TPCN1: variants seen among roughly 807,000 people sequenced by gnomAD.
TPCN1 encodes two pore segment channel 1.
In TPCN1, 52 loss-of-function variants were observed where a neutral mutation model predicts 108.8. That is an observed-to-expected ratio of 0.48 (90% CI 0.38 to 0.60). The LOEUF is 0.60. TPCN1 is among the 20% of genes least tolerant of loss of function. TPCN1 has a pLI of 0.00. For synonymous variants in TPCN1, 446 were observed against 433.7 expected, an observed-to-expected ratio of 1.03 and a Z score of -0.35; for missense variants, 806 against 1,072.8, an observed-to-expected ratio of 0.75 and a Z score of 3.47.
intron 12 of TPCN1, 115 bp from the exon 13 acceptor site, chr12:113,278,073 TC>T: frequency 1.3e-6 from 1 of 787,908 alleles, no homozygotes; most frequent in Non-Finnish European, 2.2e-6. Context: ...TCACATGGTG[TC>T]CCCTCTCTTC....
chr12:113,277,332 G>A lies in TPCN1; in HGVS notation c.1152G>A (p.Lys384=), dbSNP rs1193992280. The A allele has an allele frequency of 6.2e-7, 1 of 1,614,170 alleles. No homozygotes were observed. The highest frequency in any genetic ancestry group is 1.3e-5 in the African/African-American group (1 of 75,030). The stretch of plus-strand genomic sequence containing the variant: ...CCAGGGAGCGCTATCTTACCTTCAA[G>A]GCCCTGAATCAGAACAACACACCCC... The part of the protein sequence containing the change: ...MSARERYLTF[K]ALNQNNTPLL... Residue 384 remains lysine (K), a synonymous_variant, in exon 12 of 28, where the codon AAG becomes AAA. Coordinates refer to ENST00000335509, the MANE Select transcript of TPCN1 (RefSeq NM_017901.6).
In TPCN1 at chr12:113,284,071, G is replaced by A. The variant is rs560676320; in HGVS notation, c.1343-510G>A. On this transcript the variant is annotated intron_variant, in intron 15 of 27. Coordinates refer to ENST00000335509, the MANE Select transcript of TPCN1 (RefSeq NM_017901.6). This position sits in a 1 kb window ranked among gnomAD's most constrained non-coding sequence, Gnocchi z 4.1. The stretch of plus-strand genomic sequence containing the variant: ...GATGATCATTGAGATTGTTGCCAGT[G>A]TTTTGCTATCACAATAGTGCTGCGG... Among the ~76,000 whole-genome samples the A allele has an allele frequency of 1.3e-5, 2 of 152,328 alleles. No individual in the cohort carries two copies. Among genetic ancestry groups the A allele is most frequent in the South Asian group, 4.1e-4 (2 of 4,830 alleles).
At chr12:113,282,471 C>T (rs1427123930) in intron 15 of TPCN1, among the ~76,000 whole-genome samples, 2 of 151,408 alleles carry the variant, frequency 1.3e-5, no homozygotes, top group Non-Finnish European at 2.9e-5. Context: ...GTTTTATGGC[C>T]GGGCATGGTG....
Position 113,288,501 on chromosome 12 carries a change from G to T in TPCN1, c.1707-257G>T. On this transcript the variant is annotated intron_variant, in intron 20 of 27. Coordinates refer to ENST00000335509, the MANE Select transcript of TPCN1 (RefSeq NM_017901.6). The surrounding 1 kb of genome is among the most constrained non-coding windows in gnomAD (Gnocchi z 4.8). ...CCTGTGTCTACATTCACAGGTAAGG[G>T]GTCACCTGTGAGTCTACCTTCACAG... 6.7e-7 allele frequency: 1 copy of T among 1,502,218 alleles called. No homozygotes were observed. The highest frequency in any genetic ancestry group is 8.9e-7 in the Non-Finnish European group (1 of 1,128,614). 93.1% of individuals were successfully genotyped at this position (1,502,218 alleles called of 1,614,324 possible).
chr12:113,261,270 C>A (rs747673094), intron 3 of TPCN1, among the ~76,000 whole-genome samples: 5 of 151,932 alleles, frequency 3.3e-5, no homozygotes, highest in African/African-American at 7.3e-5. Flanking sequence ...AATGAAGAAA[C>A]ATTCACCTAA....
chr12:113,279,367 A>G (rs574509086), intron 14 of TPCN1, among the ~76,000 whole-genome samples: 459 of 25,756 alleles, frequency 0.018, 3 homozygotes, highest in African/African-American at 0.076. Flanking sequence ...GTGTATATAT[A>G]TATATATATA....
chr12:113,230,146 TC>T (rs2136439888), intron 2 of TPCN1, among the ~76,000 whole-genome samples: 1 of 152,246 alleles, frequency 6.6e-6, no homozygotes, highest in South Asian at 2.1e-4. Flanking sequence ...AACTTCCCCT[TC>T]CTGACAGAGC....
At chr12:113,242,579 T>C in intron 2 of TPCN1, among the ~76,000 whole-genome samples, 1 of 152,218 alleles carries the variant, frequency 6.6e-6, no homozygotes, top group African/African-American at 2.4e-5. Flanking sequence ...TGGTGTGTGG[T>C]AAGTACTGAA....
intron 2 of TPCN1, chr12:113,244,788 C>T: frequency 1.0e-6 from 1 of 982,252 alleles, no homozygotes. Flanking sequence ...GCACGGTTGG[C>T]ACTGGTCCCA....
At chr12:113,235,808 T>C (rs1361527681) in intron 2 of TPCN1, among the ~76,000 whole-genome samples, 3 of 152,178 alleles carry the variant, frequency 2.0e-5, no homozygotes, top group South Asian at 2.1e-4. Context: ...GATGGCGTGC[T>C]TCCTCTTGGT....
intron 2 of TPCN1, among the ~76,000 whole-genome samples, chr12:113,242,609 CT>C (rs1954190929): frequency 6.6e-6 from 1 of 152,200 alleles, no homozygotes; most frequent in Admixed American, 6.5e-5. Context: ...TGGCTGTTAC[CT>C]TTGCCCACTG....
intron 1 of TPCN1, among the ~76,000 whole-genome samples, chr12:113,223,911 TA>T (rs752106222): frequency 8.6e-5 from 13 of 151,366 alleles, no homozygotes; most frequent in Admixed American, 2.6e-4. Context: ...ACTCACCAGT[TA>T]AAAAAAAATA....
At chr12:113,267,557 C>T (rs1163654467) in intron 4 of TPCN1, among the ~76,000 whole-genome samples, 3 of 152,076 alleles carry the variant, frequency 2.0e-5, no homozygotes, top group Non-Finnish European at 2.9e-5. Context: ...CGCCACCACG[C>T]CCAGCTAATT....
intron 12 of TPCN1, 103 bp downstream of exon 12, chr12:113,277,467 C>T: frequency 1.4e-6 from 2 of 1,404,496 alleles, no homozygotes; most frequent in Middle Eastern, 1.8e-4. Flanking sequence ...GGCCTATAGG[C>T]TTGTCAGAGA....
At position 113,288,320 on chromosome 12, in the gene TPCN1, G is replaced by A. The variant is rs113645766; in HGVS notation, c.1706+86G>A. The A allele has an allele frequency of 1.9e-6, 3 of 1,587,744 alleles. No individual in the cohort carries two copies. Among genetic ancestry groups the A allele is most frequent in the Non-Finnish European group, 2.6e-6 (3 of 1,169,624 alleles). On this transcript the variant is annotated intron_variant, in intron 20 of 27. Coordinates refer to ENST00000335509, the MANE Select transcript of TPCN1 (RefSeq NM_017901.6). The surrounding 1 kb of genome is among the most constrained non-coding windows in gnomAD (Gnocchi z 4.8). ...GGCGGGAGCCGAGTGGCAGTCGGGG[G>A]AAAGGAGTTCCACAAAGGACTGCAA...
chr12:113,296,305 C>A lies in TPCN1; in HGVS notation c.*229C>A, dbSNP rs1163609806. On this transcript the variant is annotated 3_prime_UTR_variant, in exon 28 of 28. Transcript: ENST00000335509. The stretch of plus-strand genomic sequence containing the variant: ...TGGGGGTGCGGCCACCAGGTCTGAG[C>A]TCTTCCTACTGTGGAAGGCTCCAGA... The A allele has an allele frequency of 3.5e-6, 2 of 573,676 alleles. No homozygotes were observed. The highest frequency in any genetic ancestry group is 3.0e-6 in the Non-Finnish European group (1 of 337,782). The allele number at this position is 573,676 out of a possible 1,614,324, so 35.5% of individuals were successfully genotyped here.
At chr12:113,262,569 C>T (rs976147247) in intron 3 of TPCN1, among the ~76,000 whole-genome samples, 26 of 152,118 alleles carry the variant, frequency 1.7e-4, no homozygotes, top group Non-Finnish European at 2.5e-4. Flanking sequence ...TTGTCCCAAG[C>T]GCAGGCATAC....
rs2136573195 is a variant in TPCN1 at position 113,260,019 on chromosome 12, A to C, written c.113-349A>C. Among the ~76,000 whole-genome samples, 5 of 152,346 alleles carry C rather than the reference A, an allele frequency of 3.3e-5. 1 individual carries two copies. In the South Asian group the frequency reaches 1.0e-3, roughly 32 times the overall value. On this transcript the variant is annotated intron_variant, in intron 2 of 27. Coordinates refer to ENST00000335509, the MANE Select transcript of TPCN1 (RefSeq NM_017901.6). The stretch of plus-strand genomic sequence containing the variant: ...CTACCCTATTCCTTATAGCCCTTGT[A>C]GGGCGACTGATTTCATTGACTTCTC...
At chr12:113,245,069 G>C (rs1313005511) in intron 2 of TPCN1, among the ~76,000 whole-genome samples, 1 of 152,070 alleles carries the variant, frequency 6.6e-6, no homozygotes, top group Non-Finnish European at 1.5e-5. Context: ...TTCAAGACCA[G>C]ACTGGGGAAC....
Sources: gnomAD v4.1 joint callset for allele counts (sites outside exome capture counted in the v4.1 genomes callset) on GRCh38, gnomAD v4.1.1 for gene constraint, Gnocchi (gnomAD v3.1) non-coding constraint, MANE v1.5 for transcripts, NCBI Gene and HGNC (gene_info 2026-07-23, HGNC 2026-07-21) for gene names.